PLA2G12B: variants seen among roughly 807,000 people sequenced by gnomAD.
PLA2G12B encodes phospholipase A2 group XIIB.
In PLA2G12B, 19 loss-of-function variants were observed where a neutral mutation model predicts 22.3. That is an observed-to-expected ratio of 0.85 (90% CI 0.60 to 1.25). PLA2G12B has a LOEUF of 1.25. PLA2G12B is among the 50% of genes most tolerant of loss of function. PLA2G12B has a pLI of 0.00. For missense variants in PLA2G12B, 191 were observed against 246.6 expected (o/e 0.77, Z 1.51); for synonymous variants, 81 against 94.9 (o/e 0.85, Z 0.85).
chr10:72,937,024 A>G (rs1422212030), intron 3 of PLA2G12B, among the ~76,000 whole-genome samples: 1 of 152,162 alleles, frequency 6.6e-6, no homozygotes, highest in African/African-American at 2.4e-5. Context: ...ATCCTGGCTA[A>G]CACGGTGAAA....
Position 72,938,670 on chromosome 10 carries a change from ATAAAT to A in PLA2G12B, c.466+2494_466+2498del, listed in dbSNP as rs201611730. On this transcript the variant is annotated intron_variant, in intron 3 of 3. Transcript: ENST00000373032. ...TGAAAACTATAAACACATTGTTGAA[ATAAAT>A]TAAAGAAGACCTAAATAAATGGAAA... is the stretch of plus-strand genomic sequence containing the variant. Among the ~76,000 whole-genome samples, 908 of 152,348 alleles carry A rather than the reference ATAAAT, an allele frequency of 6.0e-3. 8 individuals carry two copies. The highest frequency in any genetic ancestry group is 0.02 in the African/African-American group (833 of 41,586).
chr10:72,938,412 C>T (rs1846311764), intron 3 of PLA2G12B, among the ~76,000 whole-genome samples: 1 of 151,652 alleles, frequency 6.6e-6, no homozygotes, highest in Non-Finnish European at 1.5e-5. Context: ...ATGCAGATGG[C>T]ATTATCTTAT....
At chr10:72,945,030 G>A (rs1846418113) in intron 1 of PLA2G12B, among the ~76,000 whole-genome samples, 2 of 152,306 alleles carry the variant, frequency 1.3e-5, no homozygotes, top group South Asian at 4.1e-4. Context: ...CATGAGCCCA[G>A]CTAAAACGTG....
At chr10:72,953,540 A>G (rs1335861835) in intron 1 of PLA2G12B, among the ~76,000 whole-genome samples, 2 of 152,234 alleles carry the variant, frequency 1.3e-5, no homozygotes, top group Non-Finnish European at 2.9e-5. Flanking sequence ...AAATTAAACC[A>G]TAAAACTAAT....
Position 72,954,656 on chromosome 10 carries a change from C to T in PLA2G12B, c.30G>A (p.Leu10=). The change falls in exon 1 of 4, where the codon TTG becomes TTA. Residue 10 remains leucine (L), a synonymous_variant. Coordinates refer to ENST00000373032, the MANE Select transcript of PLA2G12B (RefSeq NM_032562.5). MKLASGFLV[L]WLSLGGGLAQ... Reference sequence around the variant, plus strand: ...CCAGGCCACCCCCAAGGCTGAGCCACAAAACCAAGAAGCCACTGGCCAGCT... The same window carrying T: ...CCAGGCCACCCCCAAGGCTGAGCCATAAAACCAAGAAGCCACTGGCCAGCT... 1 of 1,614,052 alleles carries T rather than the reference C, an allele frequency of 6.2e-7. No individual in the cohort carries two copies. The highest frequency in any genetic ancestry group is 1.1e-5 in the South Asian group (1 of 91,080).
chr10:72,945,040 GGAA>G (rs1452777641), intron 1 of PLA2G12B, among the ~76,000 whole-genome samples: 1 of 152,306 alleles, frequency 6.6e-6, no homozygotes, highest in African/African-American at 2.4e-5. Flanking sequence ...GCTAAAACGT[GGAA>G]GGAGGGGCTT....
intron 3 of PLA2G12B, among the ~76,000 whole-genome samples, chr10:72,940,657 G>A (rs1589538966): frequency 6.6e-6 from 1 of 152,168 alleles, no homozygotes; most frequent in East Asian, 1.9e-4. Context: ...GGGCAACAGA[G>A]TGAGATTCTG....
intron 1 of PLA2G12B, among the ~76,000 whole-genome samples, chr10:72,951,983 A>G (rs1846538923): frequency 6.6e-6 from 1 of 152,194 alleles, no homozygotes. Context: ...CTGTGGGCTG[A>G]AGTTCTCTAA....
chr10:72,943,749 A>G (rs1044785927), intron 1 of PLA2G12B, among the ~76,000 whole-genome samples: 10 of 152,274 alleles, frequency 6.6e-5, no homozygotes, highest in South Asian at 6.2e-4. Flanking sequence ...CAGATAAGAA[A>G]CTCGGGCTAA....
At chr10:72,953,044 C>A (rs1182086761) in intron 1 of PLA2G12B, among the ~76,000 whole-genome samples, 1 of 152,176 alleles carries the variant, frequency 6.6e-6, no homozygotes, top group African/African-American at 2.4e-5. Context: ...GAGTCAACCC[C>A]TTCCCTGTCC....
chr10:72,949,061 G>T (rs1478191285), intron 1 of PLA2G12B, among the ~76,000 whole-genome samples: 1 of 152,160 alleles, frequency 6.6e-6, no homozygotes, highest in Non-Finnish European at 1.5e-5. Context: ...CACCCAGCTG[G>T]TTCCCCCAAA....
chr10:72,945,602 G>C (rs1466213662), intron 1 of PLA2G12B, among the ~76,000 whole-genome samples: 1 of 151,796 alleles, frequency 6.6e-6, no homozygotes, highest in Non-Finnish European at 1.5e-5. Context: ...GCTGAGTTTC[G>C]AGGTACCTTT....
intron 2 of PLA2G12B, among the ~76,000 whole-genome samples, chr10:72,941,744 A>T (rs1035014517): frequency 6.6e-6 from 1 of 151,606 alleles, no homozygotes. Flanking sequence ...TAAGAAGTAT[A>T]AAAAAAAATT....
chr10:72,949,092 A>G (rs889452397), intron 1 of PLA2G12B, among the ~76,000 whole-genome samples: 2 of 152,166 alleles, frequency 1.3e-5, no homozygotes, highest in African/African-American at 4.8e-5. Flanking sequence ...GGGAGTGAGT[A>G]TGCTTTATTA....
At position 72,935,687 on chromosome 10, in the gene PLA2G12B, C is replaced by T. The variant is rs1439595818; in HGVS notation, c.518G>A (p.Gly173Asp). Residue 173 changes from glycine (G) to aspartate (D), a missense_variant, in exon 4 of 4, where the codon GGC (glycine) becomes GAC (aspartate). Coordinates refer to ENST00000373032, the MANE Select transcript of PLA2G12B (RefSeq NM_032562.5). Reference sequence around the variant, plus strand: ...CTGACTATTCATAAAGGGGCGGCAGCCCAAGGTCCACACGGTGTTGAACAC... The same window carrying T: ...CTGACTATTCATAAAGGGGCGGCAGTCCAAGGTCCACACGGTGTTGAACAC... ...DTVFNTVWTL[G>D]CRPFMNSQRA... is the part of the protein sequence containing the mutation. 6.2e-7 allele frequency: 1 copy of T among 1,614,060 alleles called. No homozygotes were observed. The highest frequency in any genetic ancestry group is 1.7e-5 in the Admixed American group (1 of 59,998).
intron 1 of PLA2G12B, among the ~76,000 whole-genome samples, chr10:72,946,561 T>C (rs1463125778): frequency 2.0e-5 from 3 of 152,188 alleles, no homozygotes; most frequent in Non-Finnish European, 2.9e-5. Context: ...CCAGCAGCAA[T>C]GCGTGAGGGT....
chr10:72,954,480 CG>C lies in PLA2G12B; in HGVS notation c.205del (p.Arg69AspfsTer40). ...AAGAGAAACCGCACACTCACCATAT[CG>C]GCACCTGTACTGACAGACTCCATTC... ...GKNGVCQYRCRYGKAPMPRPG... is the reference protein window; with the variant it reads ...GKNGVCQYRCXYGKAPMPRPG... On this transcript the variant is annotated frameshift_variant, in exon 1 of 4. Coordinates refer to ENST00000373032, the MANE Select transcript of PLA2G12B (RefSeq NM_032562.5). LOFTEE classifies it high-confidence loss of function. The C allele has an allele frequency of 1.2e-6, 2 of 1,614,214 alleles. No individual in the cohort carries two copies. The highest frequency in any genetic ancestry group is 1.7e-6 in the Non-Finnish European group (2 of 1,180,052).
At chr10:72,939,046 G>A (rs1389472980) in intron 3 of PLA2G12B, among the ~76,000 whole-genome samples, 2 of 152,192 alleles carry the variant, frequency 1.3e-5, no homozygotes, top group Non-Finnish European at 2.9e-5. Flanking sequence ...GGCAGTTCTA[G>A]AGGTAGAAAG....
At chr10:72,946,661 T>C (rs927470533) in intron 1 of PLA2G12B, among the ~76,000 whole-genome samples, 2 of 152,236 alleles carry the variant, frequency 1.3e-5, no homozygotes, top group African/African-American at 4.8e-5. Flanking sequence ...TGTTTCACAG[T>C]AGTTTTGACT....
Sources: gnomAD v4.1 joint callset for allele counts (sites outside exome capture counted in the v4.1 genomes callset) on GRCh38, gnomAD v4.1.1 for gene constraint, MANE v1.5 for transcripts, NCBI Gene and HGNC (gene_info 2026-07-23, HGNC 2026-07-21) for gene names.